PCDH15: variants seen among roughly 807,000 people sequenced by gnomAD.
PCDH15 encodes protocadherin related 15.
PCDH15 carries 129 observed loss-of-function variants against 178.5 expected under a neutral mutation model. That is an observed-to-expected ratio of 0.72 (90% CI 0.63 to 0.84). The LOEUF is 0.84. PCDH15 is among the 40% of genes least tolerant of loss of function. PCDH15 has a pLI of 0.00. For missense variants in PCDH15, 2,230 were observed against 2,099.9 expected (o/e 1.06, Z -1.21); for synonymous variants, 800 against 732.0 (o/e 1.09, Z -1.50).
At chr10:53,963,504 G>A (rs2088595953) in intron 21 of PCDH15, among the ~76,000 whole-genome samples, 1 of 152,048 alleles carries the variant, frequency 6.6e-6, no homozygotes, top group African/African-American at 2.4e-5. Context: ...CTCCCAGTCT[G>A]ATAGCTTCAA....
At chr10:54,792,033 G>T (rs1192707859) in intron 1 of PCDH15, among the ~76,000 whole-genome samples, 1 of 151,854 alleles carries the variant, frequency 6.6e-6, no homozygotes, top group Non-Finnish European at 1.5e-5. Flanking sequence ...AAGGTGAACT[G>T]GCTAGAGACC....
chr10:54,590,019 C>T lies in PCDH15; in HGVS notation c.92-62142G>A, dbSNP rs568544078. Among the ~76,000 whole-genome samples the T allele has an allele frequency of 9.6e-4, 146 of 152,250 alleles. 1 individual carries two copies. The highest frequency in any genetic ancestry group is 3.5e-3 in the African/African-American group (144 of 41,546). On this transcript the variant is annotated intron_variant, in intron 2 of 37. Coordinates refer to ENST00000644397, the MANE Select transcript of PCDH15 (RefSeq NM_001384140.1). ...AGTCAGCAGTATATATTTTCCTAGACAATGAAAAGACTCCCAACTGGCCTT... is the reference window on the plus strand; with the variant it reads ...AGTCAGCAGTATATATTTTCCTAGATAATGAAAAGACTCCCAACTGGCCTT...
intron 2 of PCDH15, among the ~76,000 whole-genome samples, chr10:55,345,105 T>A (rs889158819): frequency 1.3e-5 from 2 of 151,898 alleles, no homozygotes; most frequent in Non-Finnish European, 2.9e-5. Context: ...TATTAAAATC[T>A]CTCAAATATA....
intron 2 of PCDH15, among the ~76,000 whole-genome samples, chr10:55,547,175 G>C (rs533202972): frequency 1.3e-5 from 2 of 152,260 alleles, no homozygotes; most frequent in African/African-American, 4.8e-5. Context: ...AGATCCCGAA[G>C]TTGCAGCAGC....
At chr10:54,141,482 C>T (rs1051288705) in intron 14 of PCDH15, among the ~76,000 whole-genome samples, 1 of 152,098 alleles carries the variant, frequency 6.6e-6, no homozygotes, top group Admixed American at 6.6e-5. Flanking sequence ...CAATGTAATT[C>T]AATTCAATCA....
intron 15 of PCDH15, among the ~76,000 whole-genome samples, chr10:54,098,975 A>G (rs1453330123): frequency 6.6e-6 from 1 of 152,222 alleles, no homozygotes; most frequent in Non-Finnish European, 1.5e-5. Flanking sequence ...AAAACTGGAC[A>G]CCTACGAAGC....
chr10:54,146,025 T>G (rs1284215209), intron 14 of PCDH15, among the ~76,000 whole-genome samples: 1 of 152,036 alleles, frequency 6.6e-6, no homozygotes. Flanking sequence ...CTGAATCCCA[T>G]GTGGGCAGAG....
chr10:54,551,351 G>A (rs1361779557), intron 2 of PCDH15, among the ~76,000 whole-genome samples: 1 of 151,778 alleles, frequency 6.6e-6, no homozygotes, highest in Non-Finnish European at 1.5e-5. Context: ...TAAATTAAAG[G>A]GATGTTAATC....
chr10:55,405,687 T>A (rs1838182264), intron 2 of PCDH15, among the ~76,000 whole-genome samples: 1 of 151,914 alleles, frequency 6.6e-6, no homozygotes, highest in Non-Finnish European at 1.5e-5. Flanking sequence ...TAAGAAACTT[T>A]ATTTATATAA....
intron 2 of PCDH15, among the ~76,000 whole-genome samples, chr10:54,649,989 T>C (rs1207141263): frequency 6.6e-6 from 1 of 152,168 alleles, no homozygotes; most frequent in Non-Finnish European, 1.5e-5. Flanking sequence ...AATTGGGTCA[T>C]TCTGCCAAGT....
chr10:55,421,977 G>C (rs1838632866), intron 2 of PCDH15, among the ~76,000 whole-genome samples: 1 of 151,648 alleles, frequency 6.6e-6, no homozygotes, highest in Non-Finnish European at 1.5e-5. Context: ...ATCGAGATAT[G>C]ATTCATTTTT....
At chr10:55,563,205 C>T (rs1842234082) in intron 2 of PCDH15, among the ~76,000 whole-genome samples, 1 of 151,858 alleles carries the variant, frequency 6.6e-6, no homozygotes, top group Admixed American at 6.6e-5. Flanking sequence ...TGTTTTTGCA[C>T]TCCCTTCTTT....
At chr10:54,398,630 C>A (rs575062040) in intron 3 of PCDH15, among the ~76,000 whole-genome samples, 1 of 151,912 alleles carries the variant, frequency 6.6e-6, no homozygotes, top group South Asian at 2.1e-4. Context: ...AAAAATGCCC[C>A]CCAACATAGT....
chr10:54,345,801 C>CAAAAAAA lies in PCDH15; in HGVS notation c.594+557_594+563dup, dbSNP rs540507383. On this transcript the variant is annotated intron_variant, in intron 6 of 37. Coordinates refer to ENST00000644397, the MANE Select transcript of PCDH15 (RefSeq NM_001384140.1). ...TGGGCAACAGAGCGAGACTCCGTCTCAAAAAAAAAAAAAAAAAAAAAAAAA... is the reference window on the plus strand; with the variant it reads ...TGGGCAACAGAGCGAGACTCCGTCTCAAAAAAAAAAAAAAAAAAAAAAAAAAAAAAAA... 6.3e-4 allele frequency among the ~76,000 whole-genome samples: 33 copies of CAAAAAAA among 52,466 alleles called. 2 individuals are homozygous for CAAAAAAA. The highest frequency in any genetic ancestry group is 1.7e-3 in the South Asian group (1 of 600). The allele number at this position is 52,466 out of a possible 152,430, so 34.4% of individuals were successfully genotyped here.
intron 2 of PCDH15, among the ~76,000 whole-genome samples, chr10:55,490,864 A>T (rs1840397595): frequency 6.6e-6 from 1 of 151,820 alleles, no homozygotes; most frequent in South Asian, 2.1e-4. Flanking sequence ...AGTTGTTATA[A>T]GCCAGATAAA....
intron 2 of PCDH15, among the ~76,000 whole-genome samples, chr10:54,999,089 A>C (rs911720697): frequency 6.6e-6 from 1 of 152,142 alleles, no homozygotes; most frequent in African/African-American, 2.4e-5. Context: ...TTCTAACAGA[A>C]TGCTCATATT....
intron 1 of PCDH15, among the ~76,000 whole-genome samples, chr10:55,196,042 G>A (rs143766559): frequency 1.4e-3 from 208 of 152,188 alleles, no homozygotes; most frequent in Admixed American, 3.3e-3. Flanking sequence ...TTGACCAATT[G>A]TCAGTGAATC....
At chr10:55,241,329 C>G (rs1841536882) in intron 1 of PCDH15, among the ~76,000 whole-genome samples, 1 of 152,146 alleles carries the variant, frequency 6.6e-6, no homozygotes, top group African/African-American at 2.4e-5. Flanking sequence ...CATTAACCTG[C>G]AAATGTTGCT....
intron 2 of PCDH15, among the ~76,000 whole-genome samples, chr10:54,615,561 C>A (rs2093112254): frequency 6.6e-6 from 1 of 151,922 alleles, no homozygotes. Context: ...CCATTCTATG[C>A]CAAGAACATC....
Sources: allele counts gnomAD v4.1 joint callset (sites outside exome capture counted in the v4.1 genomes callset), GRCh38; gene constraint gnomAD v4.1.1; transcripts MANE v1.5; gene names NCBI Gene and HGNC (gene_info 2026-07-23, HGNC 2026-07-21).